Variants in ATAD1 observed in about 807,000 individuals in gnomAD.
ATAD1 encodes outer mitochondrial transmembrane helix translocase.
In ATAD1, 18 loss-of-function variants were observed where a neutral mutation model predicts 42.7. The ratio of observed to expected loss-of-function variants is 0.42; its 90% CI spans 0.29 to 0.63. The LOEUF is 0.63. Among genes scored for constraint, ATAD1 ranks in the 20% least tolerant of loss-of-function variants. ATAD1 has a pLI of 0.19. For missense variants in ATAD1, 294 were observed against 440.4 expected, an observed-to-expected ratio of 0.67 and a Z score of 2.98; for synonymous variants, 132 against 143.1, an observed-to-expected ratio of 0.92 and a Z score of 0.55.
chr10:87,838,010 C>G (rs1428072365), intron 1 of ATAD1, among the ~76,000 whole-genome samples: 1 of 152,178 alleles, frequency 6.6e-6, no homozygotes, highest in African/African-American at 2.4e-5. Context: ...GAGGGCTTCT[C>G]CTGGGGCTCT....
intron 2 of ATAD1, among the ~76,000 whole-genome samples, chr10:87,802,068 G>C (rs951074412): frequency 6.6e-6 from 1 of 152,100 alleles, no homozygotes; most frequent in Non-Finnish European, 1.5e-5. Context: ...CTCTCTACCT[G>C]ATTTCTCTAG....
intron 2 of ATAD1, among the ~76,000 whole-genome samples, chr10:87,803,580 C>G (rs1360426138): frequency 6.6e-6 from 1 of 152,216 alleles, no homozygotes; most frequent in Admixed American, 6.5e-5. Context: ...GTTGCCTCAC[C>G]TTTGCTTCCA....
chr10:87,779,532 T>G (rs1205603878), intron 5 of ATAD1, among the ~76,000 whole-genome samples: 1 of 152,226 alleles, frequency 6.6e-6, no homozygotes, highest in Non-Finnish European at 1.5e-5. Flanking sequence ...TTTGAGGTGA[T>G]GGATATTCCA....
upstream of ATAD1, chr10:87,818,229 C>T (rs1857526242): frequency 1.0e-6 from 1 of 985,546 alleles, no homozygotes; most frequent in South Asian, 4.7e-5. Flanking sequence ...GGAAACGCAA[C>T]CTGGGAGAGA....
At chr10:87,800,771 A>G (rs1001104372) in intron 2 of ATAD1, among the ~76,000 whole-genome samples, 2 of 152,172 alleles carry the variant, frequency 1.3e-5, no homozygotes, top group African/African-American at 4.8e-5. Flanking sequence ...CCTCATCTTC[A>G]GGCTCCGTAG....
intron 1 of ATAD1, 156 bp from the exon 2 acceptor site, chr10:87,814,768 G>T: frequency 2.0e-6 from 1 of 498,854 alleles, no homozygotes; most frequent in Non-Finnish European, 3.1e-6. Context: ...AAGGAGAAAT[G>T]GATTTTTAAA....
intron 9 of ATAD1, among the ~76,000 whole-genome samples, chr10:87,756,449 G>A (rs1854226022): frequency 6.6e-6 from 1 of 152,178 alleles, no homozygotes; most frequent in Non-Finnish European, 1.5e-5. Flanking sequence ...TCTTTGTTCA[G>A]TAAATACATT....
chr10:87,782,930 CAAG>C (rs1174910120), intron 5 of ATAD1, among the ~76,000 whole-genome samples: 1 of 150,416 alleles, frequency 6.6e-6, no homozygotes, highest in African/African-American at 2.5e-5. Flanking sequence ...CCGGGGAGGT[CAAG>C]GTTGCAGTGA....
intron 8 of ATAD1, 149 bp downstream of exon 8, chr10:87,767,524 C>CA (rs1423182930): frequency 1.4e-6 from 1 of 726,420 alleles, no homozygotes. Context: ...CAGTTCCTAA[C>CA]AGGCCATAGA....
chr10:87,822,423 A>G (rs1004411021), upstream of ATAD1, among the ~76,000 whole-genome samples: 1 of 152,222 alleles, frequency 6.6e-6, no homozygotes, highest in Non-Finnish European at 1.5e-5. Context: ...AAGATAATAT[A>G]GAACACAATG....
rs567973402 is a variant in ATAD1, at chr10:87,798,625, G to GTGTGTGTGTGTGTGT, written c.163-5871_163-5870insACACACACACACACA. 1.4e-3 allele frequency among the ~76,000 whole-genome samples: 180 copies of GTGTGTGTGTGTGTGT among 124,932 alleles called. 4 individuals are homozygous for GTGTGTGTGTGTGTGT. Among genetic ancestry groups the GTGTGTGTGTGTGTGT allele is most frequent in the African/African-American group, 4.5e-3 (148 of 32,846 alleles). 82.0% of individuals were successfully genotyped at this position (124,932 alleles called of 152,430 possible). ...AAGTTCCAAAGTAAAAGCTATAGGG[G>GTGTGTGTGTGTGTGT]GTGTGTGTGTGTGTGTGTGTGTGTG... is the stretch of plus-strand genomic sequence containing the variant. On this transcript the variant is annotated intron_variant, in intron 2 of 9. Transcript: ENST00000680024.
chr10:87,817,239 C>T (rs940183169), intron 1 of ATAD1, among the ~76,000 whole-genome samples: 1 of 152,208 alleles, frequency 6.6e-6, no homozygotes, highest in Non-Finnish European at 1.5e-5. Flanking sequence ...AAGGCTGTTA[C>T]AGCAGCAATA....
At chr10:87,817,866 A>C (rs954240664) in intron 1 of ATAD1, 14 of 985,378 alleles carry the variant, frequency 1.4e-5, no homozygotes, top group African/African-American at 7.0e-5. Context: ...TCAAACCCCC[A>C]CAGTGACCAG....
At chr10:87,831,972 G>A (rs1335867909) in intron 1 of ATAD1, 1 of 151,582 alleles carries the variant, frequency 6.6e-6, no homozygotes, top group African/African-American at 2.4e-5. Flanking sequence ...CAAATAGTAA[G>A]TCCTAAAGCC....
chr10:87,788,115 C>T (rs937624539), intron 4 of ATAD1, among the ~76,000 whole-genome samples: 1 of 152,176 alleles, frequency 6.6e-6, no homozygotes, highest in South Asian at 2.1e-4. Flanking sequence ...CACCAATTAG[C>T]GGCATCATGG....
chr10:87,762,349 C>T (rs1342444899), intron 8 of ATAD1, among the ~76,000 whole-genome samples: 1 of 152,160 alleles, frequency 6.6e-6, no homozygotes, highest in Non-Finnish European at 1.5e-5. Flanking sequence ...CCATGGCCAT[C>T]CTAATTCAAA....
chr10:87,817,822 G>GGTTCGCCTGGTTCT, intron 1 of ATAD1: 2 of 985,472 alleles, frequency 2.0e-6, no homozygotes, highest in Non-Finnish European at 2.4e-6. Context: ...CCTTCGTCTA[G>GGTTCGCCTGGTTCT]GTTCGCCTGG....
At position 87,789,945 on chromosome 10, in the gene ATAD1, G is replaced by A. The variant is rs79870919; in HGVS notation, c.382+365C>T. Among the ~76,000 whole-genome samples the A allele has an allele frequency of 1.3e-3, 204 of 151,666 alleles. 3 individuals carry two copies. In the East Asian group the frequency reaches 0.029, roughly 21 times the overall value. ...ATCATTACATTCTAAAAATAAGATC[G>A]TTGGAGCTGTGAAACAAGAAAAAAA... is the stretch of plus-strand genomic sequence containing the variant. On this transcript the variant is annotated intron_variant, in intron 4 of 9. Coordinates refer to ENST00000680024, the MANE Select transcript of ATAD1 (RefSeq NM_001321967.2).
intron 1 of ATAD1, among the ~76,000 whole-genome samples, chr10:87,835,213 G>GAGTATTTTATA (rs1857909512): frequency 6.6e-6 from 1 of 152,066 alleles, no homozygotes; most frequent in South Asian, 2.1e-4. Context: ...TTGTTGGGTG[G>GAGTATTTTATA]AGTATTTTAT....
Sources: gnomAD v4.1 joint callset for allele counts (sites outside exome capture counted in the v4.1 genomes callset) on GRCh38, gnomAD v4.1.1 for gene constraint, MANE v1.5 for transcripts, NCBI Gene and HGNC (gene_info 2026-07-23, HGNC 2026-07-21) for gene names.